The following NDRG4 variants were observed in gnomAD, a reference collection of about 807,000 sequenced individuals.
NDRG4 encodes NDRG family member 4, also known as protein NDRG4.
A neutral mutation model predicts 55.8 loss-of-function variants in NDRG4; 38 were observed. The ratio of observed to expected loss-of-function variants is 0.68; its 90% CI spans 0.53 to 0.89. The LOEUF (loss-of-function observed/expected upper bound fraction) is 0.89. NDRG4 is among the 40% of genes least tolerant of loss of function. The pLI is 0.00. For missense variants in NDRG4, 455 were observed against 468.6 expected (o/e 0.97, Z 0.27); for synonymous variants, 190 against 182.7 (o/e 1.04, Z -0.32).
chr16:58,505,859 C>T (rs2037898854), intron 5 of NDRG4: 1 of 227,974 alleles, frequency 4.4e-6, no homozygotes, highest in South Asian at 5.2e-5. Flanking sequence ...GTAGCTGAGA[C>T]TACAGGTGCA....
Position 58,506,921 on chromosome 16 carries a change from G to T in NDRG4, c.526G>T (p.Val176Leu). The change falls in exon 8 of 15, where the codon GTG becomes TTG. Residue 176 changes from valine to leucine, a missense_variant. Transcript: ENST00000570248. ...LSHLFSQEEL[V>L]NNTELVQSYR... is the part of the protein sequence containing the mutation. ...ATCTCCCTGGGCCTAGGAGGAGCTG[G>T]TGAACAACACAGAGTTGGTGCAGAG... is the stretch of plus-strand genomic sequence containing the variant. 6.2e-7 allele frequency: 1 copy of T among 1,614,052 alleles called. No homozygotes were observed.
In NDRG4 at chr16:58,506,866, CTCTG is replaced by C. The variant is rs780108833; in HGVS notation, c.517-41_517-38del. 1.4e-5 allele frequency: 22 copies of C among 1,555,596 alleles called. No homozygotes were observed. The East Asian group carries it at 4.8e-4, about 34-fold the overall frequency. On this transcript the variant is annotated intron_variant, in intron 7 of 14. Transcript: ENST00000570248. ...GCCAGCCCCCTCTAAGCCTGCGTCC[CTCTG>C]TCTGCCCCTCTGCATGCCTCCATCC...
chr16:58,504,030 G>C (rs538106815), intron 2 of NDRG4, 124 bp from the exon 3 acceptor site: 3 of 1,567,758 alleles, frequency 1.9e-6, no homozygotes, highest in Admixed American at 1.7e-5. Context: ...TTCGCCCTCC[G>C]GGCCTCCATT....
downstream of NDRG4, chr16:58,515,384 T>C: frequency 1.3e-6 from 1 of 791,602 alleles, no homozygotes; most frequent in East Asian, 3.2e-5. Flanking sequence ...CAAGATGTTT[T>C]CATGAGGAAC....
intron 1 of NDRG4, among the ~76,000 whole-genome samples, chr16:58,473,520 A>G (rs2033162065): frequency 6.6e-6 from 1 of 152,122 alleles, no homozygotes; most frequent in Non-Finnish European, 1.5e-5. Context: ...GCTCAGGTCT[A>G]AAACCACACC....
At chr16:58,468,345 C>T (rs1441683756) in intron 1 of NDRG4, among the ~76,000 whole-genome samples, 3 of 152,188 alleles carry the variant, frequency 2.0e-5, no homozygotes, top group African/African-American at 7.2e-5. Context: ...TCGGGGTCTC[C>T]CCTGTGCTTC....
chr16:58,503,872 C>T lies in NDRG4; in HGVS notation c.96C>T (p.Ala32=). ...GCTCCCCCAAGGGGAACCGCCCAGC[C>T]ATCCTCACCTACCATGATGTGGGCC... ...IRGSPKGNRP[A]ILTYHDVGLN... is the part of the protein sequence containing the mutation. The change falls in exon 2 of 15, where the codon GCC becomes GCT. Residue 32 remains alanine (A), a synonymous_variant. Coordinates refer to ENST00000570248, the MANE Select transcript of NDRG4 (RefSeq NM_001242835.2). 6.2e-7 allele frequency: 1 copy of T among 1,613,986 alleles called. No individual in the cohort carries two copies. The highest frequency in any genetic ancestry group is 8.5e-7 in the Non-Finnish European group (1 of 1,180,000).
chr16:58,487,778 C>T, exon 2 of NDRG4: 2 of 1,543,930 alleles, frequency 1.3e-6, no homozygotes, highest in Non-Finnish European at 1.7e-6. Context: ...ACGACGTGAC[C>T]ATGGCCGGGC....
chr16:58,489,102 C>G (rs1044499143), intron 2 of NDRG4, among the ~76,000 whole-genome samples: 4 of 152,070 alleles, frequency 2.6e-5, no homozygotes, highest in Non-Finnish European at 5.9e-5. Flanking sequence ...AGTTTGAGAC[C>G]AGCCTGGCCA....
intron 1 of NDRG4, chr16:58,465,300 T>C (rs543354390): frequency 2.7e-5 from 12 of 451,086 alleles, no homozygotes; most frequent in African/African-American, 2.4e-4. Flanking sequence ...TAATGTCCGA[T>C]GAGGGAGCAG....
upstream of NDRG4, chr16:58,499,727 C>G (rs1452914942): frequency 1.1e-5 from 2 of 182,958 alleles, no homozygotes; most frequent in Non-Finnish European, 2.3e-5. Flanking sequence ...GTCAAGGGCT[C>G]TAGCTGTCTG....
intron 1 of NDRG4, among the ~76,000 whole-genome samples, chr16:58,478,641 A>C (rs77608905): frequency 0.043 from 6,405 of 150,684 alleles, 189 homozygotes; most frequent in Non-Finnish European, 0.067. Flanking sequence ...ACATTGGGGG[A>C]AGCTGAGTGA....
intron 1 of NDRG4, among the ~76,000 whole-genome samples, chr16:58,469,306 A>T (rs2032326199): frequency 6.6e-6 from 1 of 151,994 alleles, no homozygotes; most frequent in Non-Finnish European, 1.5e-5. Flanking sequence ...GGGGGCACGT[A>T]CATGGTTTAG....
At chr16:58,476,946 C>G (rs561388475) in intron 1 of NDRG4, among the ~76,000 whole-genome samples, 3 of 152,038 alleles carry the variant, frequency 2.0e-5, no homozygotes, top group Non-Finnish European at 4.4e-5. Context: ...AGTTCTGACA[C>G]TACTTTATAT....
At chr16:58,481,214 G>A (rs1466122931) in intron 1 of NDRG4, among the ~76,000 whole-genome samples, 1 of 152,066 alleles carries the variant, frequency 6.6e-6, no homozygotes, top group Non-Finnish European at 1.5e-5. Flanking sequence ...AGGACTAAAT[G>A]AGCTTATACA....
chr16:58,483,577 C>T (rs2034724880), intron 1 of NDRG4, among the ~76,000 whole-genome samples: 1 of 152,186 alleles, frequency 6.6e-6, no homozygotes, highest in South Asian at 2.1e-4. Context: ...CCCTCATCCC[C>T]TGTACCATCC....
intron 2 of NDRG4, among the ~76,000 whole-genome samples, chr16:58,488,886 C>T (rs956268462): frequency 6.6e-6 from 1 of 152,136 alleles, no homozygotes; most frequent in Admixed American, 6.5e-5. Flanking sequence ...ATTTTTCAAG[C>T]CCTTTATTCT....
intron 2 of NDRG4, among the ~76,000 whole-genome samples, chr16:58,492,489 CGTGT>C (rs58901035): frequency 0.05 from 6,248 of 123,886 alleles, 216 homozygotes; most frequent in African/African-American, 0.089. Context: ...TCTGCTCCAC[CGTGT>C]GTGTGTGTGT....
intron 2 of NDRG4, among the ~76,000 whole-genome samples, chr16:58,489,097 G>A (rs562532046): frequency 6.6e-6 from 1 of 152,076 alleles, no homozygotes; most frequent in Non-Finnish European, 1.5e-5. Flanking sequence ...TCAGCAGTTT[G>A]AGACCAGCCT....
Sources: allele counts gnomAD v4.1 joint callset (sites outside exome capture counted in the v4.1 genomes callset), GRCh38; gene constraint gnomAD v4.1.1; transcripts MANE v1.5; gene names NCBI Gene and HGNC (gene_info 2026-07-23, HGNC 2026-07-21).